Variants in GRM8 observed in about 807,000 individuals in gnomAD.
GRM8 encodes the protein glutamate metabotropic receptor 8, also known as metabotropic glutamate receptor 8.
Under a neutral mutation model 87.2 loss-of-function variants are expected in GRM8, and 47 were observed. The observed-to-expected ratio is 0.54, with a 90% CI of 0.43 to 0.69. The LOEUF (loss-of-function observed/expected upper bound fraction) is 0.69. Among genes scored for constraint, GRM8 ranks in the 30% least tolerant of loss-of-function variants. The probability of loss-of-function intolerance (pLI) is 0.00; values close to 1 mark genes in which losing one functional copy is unlikely to be tolerated. For missense variants in GRM8, 1,019 were observed against 1,139.2 expected (o/e 0.89, Z 1.52); for synonymous variants, 396 against 404.5 (o/e 0.98, Z 0.25).
chr7:127,086,877 C>G (rs1823564328), intron 3 of GRM8, among the ~76,000 whole-genome samples: 1 of 152,174 alleles, frequency 6.6e-6, no homozygotes, highest in Non-Finnish European at 1.5e-5. Context: ...TTGTTGTTTA[C>G]CAGCAAGGGA....
At chr7:127,191,574 T>C (rs1182161757) in intron 2 of GRM8, among the ~76,000 whole-genome samples, 1 of 152,210 alleles carries the variant, frequency 6.6e-6, no homozygotes, top group East Asian at 1.9e-4. Flanking sequence ...ATTCTCTTCA[T>C]TCAGTGCAAT....
intron 3 of GRM8, among the ~76,000 whole-genome samples, chr7:126,974,960 A>AAAAC (rs1325086816): frequency 3.3e-5 from 5 of 150,494 alleles, no homozygotes; most frequent in African/African-American, 1.2e-4. Context: ...AAAAAAAAAA[A>AAAAC]AAAAAAAACC....
chr7:127,100,111 C>T (rs1036857055), intron 3 of GRM8, among the ~76,000 whole-genome samples: 3 of 152,058 alleles, frequency 2.0e-5, no homozygotes. Context: ...GAAGCAACCA[C>T]CTTAATTTTT....
At chr7:126,517,302 C>A (rs2106200) in intron 9 of GRM8, among the ~76,000 whole-genome samples, 58,922 of 151,820 alleles carry the variant, frequency 0.39, 11,617 homozygotes, top group Middle Eastern at 0.43. Flanking sequence ...GTCAGTATGG[C>A]AAATGAAGAC....
chr7:126,986,381 T>C (rs1394066904), intron 3 of GRM8, among the ~76,000 whole-genome samples: 1 of 152,180 alleles, frequency 6.6e-6, no homozygotes, highest in Non-Finnish European at 1.5e-5. Flanking sequence ...TTTTTATCCT[T>C]ATGTCATATT....
intron 3 of GRM8, among the ~76,000 whole-genome samples, chr7:127,075,138 C>T (rs953102677): frequency 2.0e-5 from 3 of 152,022 alleles, no homozygotes. Flanking sequence ...AAATGCTGTC[C>T]ATAGTTAAGT....
intron 3 of GRM8, 115 bp from the exon 4 acceptor site, chr7:126,904,798 ATG>A (rs1802513243): frequency 2.2e-6 from 2 of 896,002 alleles, no homozygotes; most frequent in African/African-American, 1.7e-5. Context: ...TTCTCAAAAT[ATG>A]TGTCACTCTC....
At chr7:127,084,868 G>T (rs1409667514) in intron 3 of GRM8, 1 of 152,144 alleles carries the variant, frequency 6.6e-6, no homozygotes, top group East Asian at 1.9e-4. Context: ...CAATGTGCAG[G>T]TTCATTACTT....
chr7:126,599,805 G>A (rs1034035300), intron 8 of GRM8, among the ~76,000 whole-genome samples: 1 of 152,132 alleles, frequency 6.6e-6, no homozygotes, highest in African/African-American at 2.4e-5. Flanking sequence ...ATGGGCTCAT[G>A]AAAGAGACAT....
intron 7 of GRM8, among the ~76,000 whole-genome samples, chr7:126,760,377 A>G (rs962032775): frequency 6.6e-6 from 1 of 152,200 alleles, no homozygotes; most frequent in Non-Finnish European, 1.5e-5. Flanking sequence ...ATTTTAAAGG[A>G]GAAATAAGAG....
intron 3 of GRM8, among the ~76,000 whole-genome samples, chr7:127,058,461 T>G (rs1820232493): frequency 6.6e-6 from 1 of 152,232 alleles, no homozygotes; most frequent in African/African-American, 2.4e-5. Flanking sequence ...GAATCCCATT[T>G]TAAAGATAAA....
At chr7:127,230,693 A>C (rs1797631974) in intron 2 of GRM8, among the ~76,000 whole-genome samples, 1 of 152,080 alleles carries the variant, frequency 6.6e-6, no homozygotes. Context: ...AGCTTTTCTT[A>C]TCTCTTTCAG....
At chr7:127,188,050 C>T (rs573267425) in intron 2 of GRM8, among the ~76,000 whole-genome samples, 2 of 152,188 alleles carry the variant, frequency 1.3e-5, no homozygotes, top group South Asian at 2.1e-4. Flanking sequence ...AATGGAAGAA[C>T]ACAAGTGCTA....
chr7:126,614,756 C>G (rs1323684593), intron 7 of GRM8, among the ~76,000 whole-genome samples: 2 of 152,050 alleles, frequency 1.3e-5, no homozygotes, highest in Non-Finnish European at 2.9e-5. Flanking sequence ...ATTTGATCAA[C>G]TGGAAGAAAG....
intron 7 of GRM8, among the ~76,000 whole-genome samples, chr7:126,708,667 A>G (rs1434476617): frequency 6.6e-6 from 1 of 151,954 alleles, no homozygotes; most frequent in African/African-American, 2.4e-5. Context: ...TTGCAATAAC[A>G]TGGATGAACA....
chr7:126,814,219 T>G (rs1793561125), intron 6 of GRM8, among the ~76,000 whole-genome samples: 2 of 152,098 alleles, frequency 1.3e-5, no homozygotes, highest in Admixed American at 6.6e-5. Flanking sequence ...ACCAATAAGT[T>G]AAGATTGACT....
intron 7 of GRM8, among the ~76,000 whole-genome samples, chr7:126,697,597 T>G (rs1175062120): frequency 6.6e-6 from 1 of 152,104 alleles, no homozygotes; most frequent in East Asian, 1.9e-4. Flanking sequence ...ATCTCCCCAT[T>G]GTGGGTCATT....
intron 7 of GRM8, among the ~76,000 whole-genome samples, chr7:126,637,307 T>C (rs2151192547): frequency 6.6e-6 from 1 of 152,178 alleles, no homozygotes; most frequent in Non-Finnish European, 1.5e-5. Flanking sequence ...GCTTTAACTG[T>C]ACAGAATCAT....
intron 8 of GRM8, among the ~76,000 whole-genome samples, chr7:126,589,325 G>A (rs1395114413): frequency 6.6e-6 from 1 of 152,094 alleles, no homozygotes; most frequent in Admixed American, 6.6e-5. Context: ...GATTGCATGG[G>A]AGCCGGGTGA....
Sources: allele counts gnomAD v4.1 joint callset (sites outside exome capture counted in the v4.1 genomes callset), GRCh38; gene constraint gnomAD v4.1.1; transcripts MANE v1.5; gene names NCBI Gene and HGNC (gene_info 2026-07-23, HGNC 2026-07-21).